Variants in SFMBT2 observed in about 807,000 individuals in gnomAD.
SFMBT2 encodes the protein scm-like with four MBT domains protein 2.
In SFMBT2, 38 loss-of-function variants were observed where a neutral mutation model predicts 110.1. The observed-to-expected ratio is 0.35, with a 90% CI of 0.27 to 0.45. The LOEUF (loss-of-function observed/expected upper bound fraction) is 0.45, where lower values mean the gene tolerates loss of function less well. Among genes scored for constraint, SFMBT2 ranks in the 20% least tolerant of loss-of-function variants. SFMBT2 has a pLI of 1.00. For missense variants in SFMBT2, 1,011 were observed against 1,094.9 expected (o/e 0.92, Z 1.08); for synonymous variants, 425 against 425.4 (o/e 1.00, Z 0.01).
chr10:7,278,595 A>G (rs1841853582), intron 6 of SFMBT2, among the ~76,000 whole-genome samples: 1 of 152,202 alleles, frequency 6.6e-6, no homozygotes, highest in Admixed American at 6.5e-5. Flanking sequence ...GGAGAGTTCA[A>G]CCTGGGCATG....
intron 7 of SFMBT2, among the ~76,000 whole-genome samples, chr10:7,267,664 G>C (rs1295610214): frequency 6.6e-6 from 1 of 152,176 alleles, no homozygotes; most frequent in East Asian, 1.9e-4. Flanking sequence ...TCCCAAAGAA[G>C]TGCAGTTGTC....
At chr10:7,194,468 G>A (rs746829567) in intron 15 of SFMBT2, among the ~76,000 whole-genome samples, 2 of 152,048 alleles carry the variant, frequency 1.3e-5, no homozygotes, top group Non-Finnish European at 2.9e-5. Flanking sequence ...TCTATTTCTG[G>A]CAGAACAGAT....
At chr10:7,256,125 T>C (rs1259807674) in intron 7 of SFMBT2, among the ~76,000 whole-genome samples, 2 of 152,056 alleles carry the variant, frequency 1.3e-5, no homozygotes, top group Non-Finnish European at 2.9e-5. Flanking sequence ...TGGGAGGAAA[T>C]TAAGATTTAG....
intron 10 of SFMBT2, among the ~76,000 whole-genome samples, chr10:7,224,408 A>T (rs1294056143): frequency 6.6e-6 from 1 of 152,138 alleles, no homozygotes; most frequent in African/African-American, 2.4e-5. Context: ...CCACTGTCTG[A>T]GTCTCCCCTC....
At chr10:7,219,604 G>A (rs1716184272) in intron 11 of SFMBT2, 1 of 256,692 alleles carries the variant, frequency 3.9e-6, no homozygotes, top group Admixed American at 6.5e-5. Flanking sequence ...TAAGTCATAA[G>A]ATTTAAACTA....
At chr10:7,228,978 C>G (rs79125140) in intron 9 of SFMBT2, among the ~76,000 whole-genome samples, 2,480 of 152,064 alleles carry the variant, frequency 0.016, 25 homozygotes, top group Non-Finnish European at 0.023. Context: ...CAAAATCAAA[C>G]CAATGGACAG....
intron 9 of SFMBT2, among the ~76,000 whole-genome samples, chr10:7,235,844 C>T (rs1357350065): frequency 6.6e-6 from 1 of 152,096 alleles, no homozygotes; most frequent in Non-Finnish European, 1.5e-5. Flanking sequence ...CTGAAACAGA[C>T]AATACTGTAA....
chr10:7,162,761 G>A lies in SFMBT2; in HGVS notation c.*1009C>T, dbSNP rs982220210. On this transcript the variant is annotated 3_prime_UTR_variant, in exon 21 of 21. Coordinates refer to ENST00000397167, the MANE Select transcript of SFMBT2 (RefSeq NM_001387889.1). ...TGGAGATAGTTGAGGGTCTAGAAAA[G>A]ACTGGGTAGAGTTTGTCTCTACAGA... is the stretch of plus-strand genomic sequence containing the variant. 7 of 152,210 alleles carry A rather than the reference G, an allele frequency of 4.6e-5. No homozygotes were observed. The highest frequency in any genetic ancestry group is 1.0e-4 in the Non-Finnish European group (7 of 68,052). 9.4% of individuals were successfully genotyped at this position (152,210 alleles called of 1,614,324 possible).
At chr10:7,363,350 T>A (rs530491548) in intron 4 of SFMBT2, among the ~76,000 whole-genome samples, 4 of 150,478 alleles carry the variant, frequency 2.7e-5, no homozygotes, top group African/African-American at 9.7e-5. Flanking sequence ...CCATTAAACC[T>A]CCTCTTTTTT....
intron 2 of SFMBT2, among the ~76,000 whole-genome samples, chr10:7,372,305 T>C (rs1458870898): frequency 1.3e-5 from 2 of 152,246 alleles, no homozygotes; most frequent in African/African-American, 4.8e-5. Flanking sequence ...GAGGATCATT[T>C]TTGTAAAGTC....
intron 1 of SFMBT2, among the ~76,000 whole-genome samples, chr10:7,401,853 T>C (rs1027138219): frequency 1.3e-5 from 2 of 152,214 alleles, no homozygotes; most frequent in African/African-American, 4.8e-5. Flanking sequence ...CAGTGCGCCA[T>C]TCCACGGGAC....
At position 7,171,408 on chromosome 10, in the gene SFMBT2, T is replaced by C; in HGVS notation, c.2416-352A>G. The C allele has an allele frequency of 1.0e-6, 1 of 985,444 alleles. No individual in the cohort carries two copies. Among genetic ancestry groups the C allele is most frequent in the South Asian group, 4.7e-5 (1 of 21,288 alleles). The allele number at this position is 985,444 out of a possible 1,614,324, so 61.0% of individuals were successfully genotyped here. On this transcript the variant is annotated intron_variant, in intron 19 of 20. Coordinates refer to ENST00000397167, the MANE Select transcript of SFMBT2 (RefSeq NM_001387889.1). The surrounding 1 kb of genome is among the most constrained non-coding windows in gnomAD (Gnocchi z 4.9). ...GCACGTCCAAGCAGACACGAGACAGTGTCCCCCAGTGTTTCTGTAATGGTG... is the reference window on the plus strand; with the variant it reads ...GCACGTCCAAGCAGACACGAGACAGCGTCCCCCAGTGTTTCTGTAATGGTG...
At chr10:7,206,695 T>C in intron 11 of SFMBT2, 3 of 775,638 alleles carry the variant, frequency 3.9e-6, no homozygotes, top group Non-Finnish European at 4.7e-6. Context: ...CATGAAACTC[T>C]GAAAAAGACA....
At chr10:7,350,943 G>A (rs1354723621) in intron 4 of SFMBT2, among the ~76,000 whole-genome samples, 1 of 152,184 alleles carries the variant, frequency 6.6e-6, no homozygotes, top group Admixed American at 6.5e-5. Context: ...CTGTGGATGG[G>A]GCTATCCGCT....
intron 16 of SFMBT2, among the ~76,000 whole-genome samples, chr10:7,181,976 G>A (rs569739650): frequency 1.3e-5 from 2 of 152,276 alleles, no homozygotes; most frequent in South Asian, 4.1e-4. Context: ...ATCTTCCCAG[G>A]CACAGTGGAC....
At chr10:7,226,259 C>T (rs918112881) in intron 10 of SFMBT2, among the ~76,000 whole-genome samples, 5 of 152,308 alleles carry the variant, frequency 3.3e-5, no homozygotes, top group East Asian at 3.9e-4. Flanking sequence ...TTCTCAAGGT[C>T]GTTCAATCAT....
At position 7,317,315 on chromosome 10, in the gene SFMBT2, T is replaced by C. The variant is rs531252969; in HGVS notation, c.437-31361A>G. 1.1e-3 allele frequency among the ~76,000 whole-genome samples: 162 copies of C among 152,260 alleles called. 2 individuals are homozygous for C. Among genetic ancestry groups the C allele is most frequent in the African/African-American group, 3.8e-3 (156 of 41,548 alleles). On this transcript the variant is annotated intron_variant, in intron 4 of 20. Transcript: ENST00000397167. ...AATCCTACAGAATTTAAGATCCTTA[T>C]TTTTAATAAAAGCATCTGCTCTCAA...
chr10:7,326,206 A>G (rs1843379800), intron 4 of SFMBT2, among the ~76,000 whole-genome samples: 1 of 152,244 alleles, frequency 6.6e-6, no homozygotes, highest in African/African-American at 2.4e-5. Flanking sequence ...AATTCAGACT[A>G]TTTTAAAACT....
At chr10:7,387,916 T>G (rs970963907) in intron 1 of SFMBT2, among the ~76,000 whole-genome samples, 3 of 143,170 alleles carry the variant, frequency 2.1e-5, no homozygotes, top group African/African-American at 8.0e-5. Flanking sequence ...CCCACTGCAC[T>G]CCAGCCTGGA....
Sources: allele counts gnomAD v4.1 joint callset (sites outside exome capture counted in the v4.1 genomes callset), GRCh38; gene constraint gnomAD v4.1.1; non-coding constraint Gnocchi (gnomAD v3.1); transcripts MANE v1.5; gene names NCBI Gene and HGNC (gene_info 2026-07-23, HGNC 2026-07-21).